Variants in DHX37 observed in about 807,000 individuals in gnomAD.
The protein encoded by DHX37 is probable ATP-dependent RNA helicase DHX37.
Under a neutral mutation model 134.3 loss-of-function variants are expected in DHX37, and 52 were observed. The observed-to-expected ratio is 0.39, with a 90% CI of 0.31 to 0.49. DHX37 has a LOEUF of 0.49. Among genes scored for constraint, DHX37 ranks in the 20% least tolerant of loss-of-function variants. DHX37 has a pLI of 0.93. For missense variants in DHX37, 1,344 were observed against 1,580.8 expected (o/e 0.85, Z 2.54); for synonymous variants, 634 against 670.7 (o/e 0.95, Z 0.85).
chr12:124,975,616 AC>A, intron 5 of DHX37, 105 bp from the exon 6 acceptor site: 1 of 1,226,406 alleles, frequency 8.2e-7, no homozygotes, highest in Non-Finnish European at 1.1e-6. Context: ...CCTGGCGCTC[AC>A]CCAGGGGCGG....
intron 4 of DHX37, among the ~76,000 whole-genome samples, chr12:124,978,645 G>A (rs1314853650): frequency 7.1e-6 from 1 of 140,914 alleles, no homozygotes; most frequent in Non-Finnish European, 1.6e-5. Context: ...AAAATATGAG[G>A]CCAGGCATGA....
chr12:124,983,026 G>A (rs930471531), intron 2 of DHX37, among the ~76,000 whole-genome samples: 1 of 152,162 alleles, frequency 6.6e-6, no homozygotes, highest in African/African-American at 2.4e-5. Flanking sequence ...TGTGTGCAGG[G>A]GGTGTACCCA....
chr12:124,979,294 C>T (rs570760781), intron 4 of DHX37, among the ~76,000 whole-genome samples: 3 of 152,226 alleles, frequency 2.0e-5, no homozygotes, highest in Admixed American at 6.5e-5. Flanking sequence ...ACTTGAGCCT[C>T]GGAGGCGGAG....
At chr12:124,958,418 C>T (rs955783296) in intron 16 of DHX37, among the ~76,000 whole-genome samples, 11 of 152,116 alleles carry the variant, frequency 7.2e-5, no homozygotes, top group African/African-American at 2.7e-4. Context: ...GAGGCACTCC[C>T]GACAGTGCTC....
At chr12:124,969,853 C>T (rs1393580548) in intron 8 of DHX37, among the ~76,000 whole-genome samples, 6 of 151,518 alleles carry the variant, frequency 4.0e-5, no homozygotes, top group East Asian at 3.9e-4. Flanking sequence ...CCCAGAAGGT[C>T]GGGGTTGCAG....
Position 124,953,976 on chromosome 12 carries a change from A to T in DHX37, c.2599T>A (p.Tyr867Asn). The T allele has an allele frequency of 4.3e-6, 7 of 1,613,564 alleles. No individual in the cohort carries two copies. Among genetic ancestry groups the T allele is most frequent in the Non-Finnish European group, 5.9e-6 (7 of 1,179,948 alleles). ...CAAAACTGGGGTGTGCAGCTGGCAT[A>T]CTCACAGGCTCCCACGGCGCCTGGG... is the stretch of plus-strand genomic sequence containing the variant. Reference protein sequence around the residue: ...VLLGAVGACEYASCTPQFCEA... With the variant: ...VLLGAVGACENASCTPQFCEA... The change falls in exon 20 of 27, where the codon TAT (tyrosine) becomes AAT (asparagine). Residue 867 changes from tyrosine (Y) to asparagine (N), a missense_variant. Transcript: ENST00000308736.
In DHX37 at chr12:124,982,530, G is replaced by T; in HGVS notation, c.370C>A (p.Arg124Ser). The T allele has an allele frequency of 1.2e-6, 2 of 1,613,640 alleles. No homozygotes were observed. The highest frequency in any genetic ancestry group is 1.1e-5 in the South Asian group (1 of 91,052). Residue 124 changes from arginine to serine, a missense_variant, in exon 3 of 27, where the codon CGC (arginine) becomes AGC (serine). Arg to Ser is a moderately radical substitution (Grantham distance 110). Around this residue, in one of 7 missense-constraint regions of DHX37, gnomAD observed 319 missense variants for 296.1 expected, o/e 1.08. Coordinates refer to ENST00000308736, the MANE Select transcript of DHX37 (RefSeq NM_032656.4). The part of the protein sequence containing the change: ...YTTSKLGTGN[R>S]MYHTKEKADE... ...ACTCACTCTTTGGTGTGATACATGCGGTTCCCAGTGCCTAGCTTGGAAGTG... is the reference window on the plus strand; with the variant it reads ...ACTCACTCTTTGGTGTGATACATGCTGTTCCCAGTGCCTAGCTTGGAAGTG...
At chr12:124,961,230 A>C (rs1284285511) in intron 15 of DHX37, among the ~76,000 whole-genome samples, 1 of 111,730 alleles carries the variant, frequency 9.0e-6, no homozygotes, top group Admixed American at 7.9e-5. Flanking sequence ...ACACGCACGC[A>C]CACACACATA....
intron 24 of DHX37, 24 bp downstream of exon 24, chr12:124,950,125 G>T (rs781481728): frequency 6.2e-7 from 1 of 1,613,888 alleles, no homozygotes; most frequent in South Asian, 1.1e-5. Flanking sequence ...CGAGATGAGG[G>T]TCTGGAGCCG....
Position 124,950,393 on chromosome 12 carries a change from A to G in DHX37, c.3121+20T>C. On this transcript the variant is annotated intron_variant, in intron 23 of 26. Coordinates refer to ENST00000308736, the MANE Select transcript of DHX37 (RefSeq NM_032656.4). ...CGGCTGCAGGAGGCTCAGGTTGCCC[A>G]GGACACTGCCCCAACTCACAGAACA... is the stretch of plus-strand genomic sequence containing the variant. 1 of 1,598,086 alleles carries G rather than the reference A, an allele frequency of 6.3e-7. No homozygotes were observed. The highest frequency in any genetic ancestry group is 8.5e-7 in the Non-Finnish European group (1 of 1,172,456).
chr12:124,964,171 G>A (rs1954328845), intron 15 of DHX37, among the ~76,000 whole-genome samples: 1 of 143,040 alleles, frequency 7.0e-6, no homozygotes, highest in Non-Finnish European at 1.5e-5. Context: ...TTCCAGCCTG[G>A]GTGACAAGAG....
At chr12:124,988,792 CCCATTCCCCCATTCCAGATGAT>C in intron 1 of DHX37, 103 bp downstream of exon 1, 1 of 461,250 alleles carries the variant, frequency 2.2e-6, no homozygotes, top group Non-Finnish European at 3.7e-6. Flanking sequence ...AATGGGGGGA[CCCATTCCCCCATTCCAGATGAT>C]CCATCCCACC....
chr12:124,952,572 T>C lies in DHX37; in HGVS notation c.2696-2A>G. 1 of 1,575,448 alleles carries C rather than the reference T, an allele frequency of 6.3e-7. No individual in the cohort carries two copies. The highest frequency in any genetic ancestry group is 8.7e-7 in the Non-Finnish European group (1 of 1,155,662). On this transcript the variant is annotated splice_acceptor_variant, in intron 20 of 26. Coordinates refer to ENST00000308736, the MANE Select transcript of DHX37 (RefSeq NM_032656.4). LOFTEE classifies it high-confidence loss of function. ...CAGCCTCGGGGCACACGGCATTGACTGAGGGGAGAACCAAGAGTGAGGTCG... is the reference window on the plus strand; with the variant it reads ...CAGCCTCGGGGCACACGGCATTGACCGAGGGGAGAACCAAGAGTGAGGTCG...
chr12:124,974,776 A>G (rs956319250), intron 6 of DHX37, among the ~76,000 whole-genome samples: 1 of 149,640 alleles, frequency 6.7e-6, no homozygotes, highest in South Asian at 2.1e-4. Context: ...TACCGCCTGA[A>G]GATTTTTTTT....
rs529618778 is a variant in DHX37, at chr12:124,966,100, CG to C, written c.1591-289del. Among the ~76,000 whole-genome samples, 126 of 152,362 alleles carry C rather than the reference CG, an allele frequency of 8.3e-4. 1 individual carries two copies. The highest frequency in any genetic ancestry group is 3.4e-3 in the Middle Eastern group (1 of 294). The stretch of plus-strand genomic sequence containing the variant: ...GGTAGTGCAACAGGCAAGTCAGAGA[CG>C]GCTGAGTGCTTACGCTACCGTCACG... On this transcript the variant is annotated intron_variant, in intron 12 of 26. Transcript: ENST00000308736.
At chr12:124,967,307 G>A in intron 10 of DHX37, 89 bp from the exon 11 acceptor site, 1 of 1,425,326 alleles carries the variant, frequency 7.0e-7, no homozygotes, top group Non-Finnish European at 9.6e-7. Context: ...GCTCTGAGAG[G>A]CAAGGTTCCA....
At chr12:124,969,968 C>T (rs1280277635) in intron 8 of DHX37, among the ~76,000 whole-genome samples, 1 of 151,882 alleles carries the variant, frequency 6.6e-6, no homozygotes, top group Non-Finnish European at 1.5e-5. Flanking sequence ...AAAGGCACAG[C>T]GTTTCTTTTT....
At position 124,949,119 on chromosome 12, in the gene DHX37, T is replaced by G. The variant is rs1386416639; in HGVS notation, c.3290+867A>C. ...TCACTCATGTCCTGCTCTGTCCCTC[T>G]GGGGCCGAGCAACGCTGCTGTGGGA... On this transcript the variant is annotated intron_variant, in intron 25 of 26. Coordinates refer to ENST00000308736, the MANE Select transcript of DHX37 (RefSeq NM_032656.4). This position sits in a 1 kb window ranked among gnomAD's most constrained non-coding sequence, Gnocchi z 4.0. Among the ~76,000 whole-genome samples, 2 of 152,114 alleles carry G rather than the reference T, an allele frequency of 1.3e-5. No individual in the cohort carries two copies. The highest frequency in any genetic ancestry group is 4.8e-5 in the African/African-American group (2 of 41,428).
At chr12:124,974,755 T>C (rs1954597792) in intron 6 of DHX37, among the ~76,000 whole-genome samples, 1 of 151,982 alleles carries the variant, frequency 6.6e-6, no homozygotes, top group South Asian at 2.1e-4. Context: ...CCAAAGCAAG[T>C]CCTACAGACT....
Sources: allele counts gnomAD v4.1 joint callset (sites outside exome capture counted in the v4.1 genomes callset), GRCh38; gene constraint gnomAD v4.1.1; regional missense constraint gnomAD v4.1.1; non-coding constraint Gnocchi (gnomAD v3.1); transcripts MANE v1.5; gene names NCBI Gene and HGNC (gene_info 2026-07-23, HGNC 2026-07-21).